Variants in MAP3K20 observed in about 807,000 individuals in gnomAD.
MAP3K20 encodes the protein mitogen-activated protein kinase kinase kinase 20, also known as HCCS-4.
Under a neutral mutation model 85.7 loss-of-function variants are expected in MAP3K20, and 40 were observed. The ratio of observed to expected loss-of-function variants is 0.47; its 90% confidence interval spans 0.36 to 0.61. MAP3K20 has a LOEUF of 0.61. MAP3K20 is among the 20% of genes least tolerant of loss of function. The pLI is 0.00. For missense variants in MAP3K20, 817 were observed against 961.7 expected (o/e 0.85, Z 1.99); for synonymous variants, 325 against 327.7 (o/e 0.99, Z 0.09).
At chr2:173,131,619 G>T (rs1488940904) in intron 2 of MAP3K20, among the ~76,000 whole-genome samples, 1 of 152,146 alleles carries the variant, frequency 6.6e-6, no homozygotes, top group African/African-American at 2.4e-5. Flanking sequence ...AAATTATGTG[G>T]TATATTAGAT....
Position 173,219,990 on chromosome 2 carries a change from C to G in MAP3K20, c.987+2740C>G, listed in dbSNP as rs149195403. Among the ~76,000 whole-genome samples, 561 of 144,772 alleles carry G rather than the reference C, an allele frequency of 3.9e-3. 8 individuals are homozygous for G. The highest frequency in any genetic ancestry group is 0.032 in the Admixed American group (440 of 13,712). The allele number at this position is 144,772 out of a possible 152,430, so 95.0% of individuals were successfully genotyped here. On this transcript the variant is annotated intron_variant, in intron 11 of 19. Coordinates refer to ENST00000375213, the MANE Select transcript of MAP3K20 (RefSeq NM_016653.3). Reference sequence around the variant, plus strand: ...GGCTGAGGCAGGAGAATCGCTTGAACCTGGAAGGCAGAGGTTGCAGTGAGC... The same window carrying G: ...GGCTGAGGCAGGAGAATCGCTTGAAGCTGGAAGGCAGAGGTTGCAGTGAGC...
chr2:173,241,917 A>G (rs1369170888), intron 16 of MAP3K20, among the ~76,000 whole-genome samples: 1 of 152,208 alleles, frequency 6.6e-6, no homozygotes, highest in East Asian at 1.9e-4. Context: ...CAGAAAGGGG[A>G]CAGGAAAGTA....
intron 11 of MAP3K20, among the ~76,000 whole-genome samples, chr2:173,220,768 AT>A (rs1320985645): frequency 6.6e-6 from 1 of 152,096 alleles, no homozygotes; most frequent in Non-Finnish European, 1.5e-5. Context: ...TGCTTAATTT[AT>A]TTTTTTAAAA....
At chr2:173,203,692 T>G (rs546426238) in intron 8 of MAP3K20, 104 bp from the exon 9 acceptor site, 1 of 868,170 alleles carries the variant, frequency 1.2e-6, no homozygotes, top group African/African-American at 1.7e-5. Flanking sequence ...TCATGCCTTA[T>G]GTTCTTAAAA....
At chr2:173,186,889 G>A (rs150378979) in intron 4 of MAP3K20, among the ~76,000 whole-genome samples, 46 of 152,208 alleles carry the variant, frequency 3.0e-4, no homozygotes, top group African/African-American at 1.1e-3. Flanking sequence ...AAAGAATTTT[G>A]GAGTATGTTG....
chr2:173,243,113 C>A (rs149386024), intron 16 of MAP3K20, among the ~76,000 whole-genome samples: 504 of 152,254 alleles, frequency 3.3e-3, no homozygotes, highest in Non-Finnish European at 5.5e-3. Context: ...AAAGTACAAT[C>A]CCAGCCTTTA....
At chr2:173,207,717 C>T (rs1414798353) in intron 9 of MAP3K20, 1 of 135,628 alleles carries the variant, frequency 7.4e-6, no homozygotes, top group African/African-American at 2.8e-5. Context: ...ACAAATGGTC[C>T]CAGTTTTTTT....
intron 9 of MAP3K20, among the ~76,000 whole-genome samples, chr2:173,205,974 A>G (rs1295150368): frequency 6.6e-6 from 1 of 152,138 alleles, no homozygotes; most frequent in African/African-American, 2.4e-5. Flanking sequence ...TAAAACATTT[A>G]TTTTATACTG....
chr2:173,226,354 A>G (rs1173148623), intron 11 of MAP3K20: 1 of 984,644 alleles, frequency 1.0e-6, no homozygotes, highest in Admixed American at 6.2e-5. Context: ...ATTGTACTAG[A>G]CTTATTGCAG....
chr2:173,234,751 A>G (rs985219983), intron 14 of MAP3K20, among the ~76,000 whole-genome samples: 3 of 152,230 alleles, frequency 2.0e-5, no homozygotes, highest in African/African-American at 4.8e-5. Flanking sequence ...AGTAGAACGC[A>G]TGGCACCTGA....
chr2:173,192,673 T>C (rs915317469), intron 7 of MAP3K20, among the ~76,000 whole-genome samples: 1 of 152,216 alleles, frequency 6.6e-6, no homozygotes, highest in Non-Finnish European at 1.5e-5. Context: ...CTAACCATCA[T>C]ACATTCATCT....
At chr2:173,257,852 G>A (rs1215394313) in intron 16 of MAP3K20, among the ~76,000 whole-genome samples, 1 of 152,060 alleles carries the variant, frequency 6.6e-6, no homozygotes, top group Non-Finnish European at 1.5e-5. Flanking sequence ...CCATTCTGAT[G>A]GGTGTATAGT....
At chr2:173,242,483 A>G (rs1167662051) in intron 16 of MAP3K20, among the ~76,000 whole-genome samples, 1 of 152,030 alleles carries the variant, frequency 6.6e-6, no homozygotes, top group Admixed American at 6.6e-5. Flanking sequence ...AATATTTTCA[A>G]TTAAAAAAGA....
At chr2:173,222,251 A>T in intron 11 of MAP3K20, 1 of 985,848 alleles carries the variant, frequency 1.0e-6, no homozygotes, top group Non-Finnish European at 1.2e-6. Flanking sequence ...ATCCAACAAC[A>T]ATACTGAGAT....
Position 173,266,332 on chromosome 2 carries a change from G to A in MAP3K20, c.1985G>A (p.Gly662Asp). The part of the protein sequence containing the change: ...LNSRDSGFSS[G>D]NTDTSSERGR... ...TCTAGGGACAGTGGCTTTTCCAGTG[G>A]CAATACTGACACCTCTTCAGAGAGG... Residue 662 changes from glycine (G) to aspartate (D), a missense_variant, in exon 20 of 20, where the codon GGC becomes GAC. By Grantham distance (94) the Gly-to-Asp change is moderately conservative. Around this residue, in one of 4 missense-constraint regions of MAP3K20, gnomAD observed 454 missense variants for 476.9 expected, o/e 0.95. Transcript: ENST00000375213. 1 of 1,614,096 alleles carries A rather than the reference G, an allele frequency of 6.2e-7. No individual in the cohort carries two copies. The highest frequency in any genetic ancestry group is 1.1e-5 in the South Asian group (1 of 91,080).
intron 7 of MAP3K20, among the ~76,000 whole-genome samples, chr2:173,193,814 CTT>C (rs1690737082): frequency 6.6e-6 from 1 of 152,176 alleles, no homozygotes; most frequent in African/African-American, 2.4e-5. Context: ...TGTGGATTAG[CTT>C]TTCTCTCTAC....
Position 173,191,077 on chromosome 2 carries a change from C to A in MAP3K20, c.482C>A (p.Thr161Lys). The A allele has an allele frequency of 6.2e-7, 1 of 1,614,044 alleles. No homozygotes were observed. Among genetic ancestry groups the A allele is most frequent in the Non-Finnish European group, 8.5e-7 (1 of 1,179,946 alleles). The change falls in exon 7 of 20, where the codon ACA (threonine) becomes AAA (lysine). Residue 161 changes from threonine to lysine, a missense_variant. Coordinates refer to ENST00000375213, the MANE Select transcript of MAP3K20 (RefSeq NM_016653.3). ...GGTGCCTCTCGGTTCCATAACCATA[C>A]AACACACATGTCCTTGGTTGGAACT... Reference protein sequence around the residue: ...DFGASRFHNHTTHMSLVGTFP... With the variant: ...DFGASRFHNHKTHMSLVGTFP...
At chr2:173,214,490 G>C (rs1005057325) in intron 10 of MAP3K20, 3 of 152,156 alleles carry the variant, frequency 2.0e-5, no homozygotes, top group Non-Finnish European at 4.4e-5. Flanking sequence ...TCACCATGAC[G>C]TGCGTTCTTA....
chr2:173,171,253 G>A (rs1278372847), intron 3 of MAP3K20, among the ~76,000 whole-genome samples: 6 of 152,034 alleles, frequency 3.9e-5, no homozygotes, highest in African/African-American at 7.2e-5. Flanking sequence ...CCTTTTTTCC[G>A]TGTCCATTGT....
Sources: gnomAD v4.1 joint callset for allele counts (sites outside exome capture counted in the v4.1 genomes callset) on GRCh38, gnomAD v4.1.1 for gene constraint, gnomAD v4.1.1 regional missense constraint, MANE v1.5 for transcripts, NCBI Gene and HGNC (gene_info 2026-07-23, HGNC 2026-07-21) for gene names.